The following IQSEC1 variants were observed in gnomAD, a reference collection of about 807,000 sequenced individuals.
IQSEC1 encodes the protein IQ motif and SEC7 domain-containing protein 1.
A neutral mutation model predicts 91.0 loss-of-function variants in IQSEC1; 31 were observed. That is an observed-to-expected ratio of 0.34 (90% CI 0.26 to 0.46). IQSEC1 has a LOEUF of 0.46. Among genes scored for constraint, IQSEC1 ranks in the 20% least tolerant of loss-of-function variants. The pLI, the probability that IQSEC1 is intolerant of heterozygous loss-of-function variation, is 1.00. For synonymous variants in IQSEC1, 699 were observed against 662.6 expected, an observed-to-expected ratio of 1.05 and a Z score of -0.84; for missense variants, 1,388 against 1,575.6, an observed-to-expected ratio of 0.88 and a Z score of 2.02.
At chr3:13,081,521 G>T (rs909025564) in intron 2 of IQSEC1, among the ~76,000 whole-genome samples, 1 of 152,104 alleles carries the variant, frequency 6.6e-6, no homozygotes, top group Non-Finnish European at 1.5e-5. Flanking sequence ...CTCCCACCTC[G>T]GCCTCCCAAA....
At chr3:12,984,573 C>T (rs77922306) in intron 1 of IQSEC1, among the ~76,000 whole-genome samples, 3,063 of 152,266 alleles carry the variant, frequency 0.02, 77 homozygotes, top group Non-Finnish European at 0.024. Flanking sequence ...GCTGCTCCTC[C>T]TTTCAGGGGG....
chr3:13,056,204 C>T (rs1400219193), intron 1 of IQSEC1, among the ~76,000 whole-genome samples: 1 of 152,154 alleles, frequency 6.6e-6, no homozygotes, highest in Non-Finnish European at 1.5e-5. Context: ...CATTCTAGGC[C>T]CAATTCACTG....
Position 12,983,028 on chromosome 3 carries a change from G to A in IQSEC1, c.24-41163C>T, listed in dbSNP as rs1270567441. 3.3e-5 allele frequency among the ~76,000 whole-genome samples: 5 copies of A among 152,254 alleles called. No individual in the cohort carries two copies. The highest frequency in any genetic ancestry group is 4.1e-4 in the South Asian group (2 of 4,834). ...AGGTACAGCTGTCTGCCCTCTCTGG[G>A]TGCTTGTGCGTGGGATGGAGGGTGA... On this transcript the variant is annotated intron_variant, in intron 1 of 13. Transcript: ENST00000613206. This position sits in a 1 kb window ranked among gnomAD's most constrained non-coding sequence, Gnocchi z 4.3.
chr3:13,182,617 C>A (rs1403168135), intron 1 of IQSEC1, among the ~76,000 whole-genome samples: 1 of 151,890 alleles, frequency 6.6e-6, no homozygotes, highest in Non-Finnish European at 1.5e-5. Flanking sequence ...TATTCACCAA[C>A]CAAGACCACA....
At chr3:13,154,513 T>C (rs1707056996) in intron 2 of IQSEC1, among the ~76,000 whole-genome samples, 1 of 117,530 alleles carries the variant, frequency 8.5e-6, no homozygotes, top group African/African-American at 3.3e-5. Flanking sequence ...TCATCCGTTA[T>C]TCATTAGACA....
chr3:13,239,669 A>C (rs758766597), intron 1 of IQSEC1, among the ~76,000 whole-genome samples: 3 of 152,208 alleles, frequency 2.0e-5, no homozygotes, highest in Non-Finnish European at 4.4e-5. Flanking sequence ...CTCGGAGCCC[A>C]CCCACAGGGG....
rs1345659960 is a variant in IQSEC1, at chr3:13,103,186, C to A, written c.303-55664G>T. On this transcript the variant is annotated intron_variant, in intron 2 of 15. Transcript: ENST00000648114. The surrounding 1 kb of genome is among the most constrained non-coding windows in gnomAD (Gnocchi z 4.1). ...CAGGCAGGTCAGTTCAGGGAAGGGG[C>A]CTGCATCGAACTCTCGCCACCTCCC... Among the ~76,000 whole-genome samples the A allele has an allele frequency of 1.3e-5, 2 of 152,212 alleles. No individual in the cohort carries two copies. The highest frequency in any genetic ancestry group is 1.9e-4 in the East Asian group (1 of 5,134).
intron 1 of IQSEC1, among the ~76,000 whole-genome samples, chr3:12,986,812 C>T (rs1701760216): frequency 6.6e-6 from 1 of 152,218 alleles, no homozygotes; most frequent in South Asian, 2.1e-4. Context: ...GTGCTCCCCA[C>T]AGGGGACCGA....
At chr3:13,177,132 G>T (rs1426315883) in intron 1 of IQSEC1, among the ~76,000 whole-genome samples, 1 of 152,206 alleles carries the variant, frequency 6.6e-6, no homozygotes, top group Non-Finnish European at 1.5e-5. Flanking sequence ...ATGGCGAGGG[G>T]TGTACAAGTC....
At chr3:13,202,816 C>G (rs550797638) in intron 1 of IQSEC1, among the ~76,000 whole-genome samples, 2 of 152,268 alleles carry the variant, frequency 1.3e-5, no homozygotes, top group African/African-American at 4.8e-5. Context: ...ATAAAAAAAG[C>G]CTGTGCTGGA....
Position 13,218,086 on chromosome 3 carries a change from A to T in IQSEC1, c.273-53953T>A, listed in dbSNP as rs185299447. Among the ~76,000 whole-genome samples the T allele has an allele frequency of 7.2e-5, 11 of 152,276 alleles. No homozygotes were observed. The East Asian group carries it at 2.1e-3, about 29-fold the overall frequency. ...TCCGAGGCCCCCTGGCAGCTCCGGC[A>T]TTCTAGGATTCCAGGATTCCCACAT... On this transcript the variant is annotated intron_variant, in intron 1 of 15. Coordinates refer to the IQSEC1 transcript ENST00000648114.
At chr3:13,072,945 C>T in intron 1 of IQSEC1, 47 bp downstream of exon 1, 1 of 1,510,214 alleles carries the variant, frequency 6.6e-7, no homozygotes, top group South Asian at 1.2e-5. Flanking sequence ...CTCAGCCGGG[C>T]CCCTCTGGCC....
At chr3:13,135,114 C>T (rs1056985760) in intron 2 of IQSEC1, among the ~76,000 whole-genome samples, 6 of 152,212 alleles carry the variant, frequency 3.9e-5, no homozygotes, top group Non-Finnish European at 5.9e-5. Context: ...CTCTGAGCCT[C>T]GGTTTCCTCA....
chr3:13,052,010 A>G (rs1002545119), intron 1 of IQSEC1, among the ~76,000 whole-genome samples: 2 of 152,210 alleles, frequency 1.3e-5, no homozygotes, highest in African/African-American at 4.8e-5. Flanking sequence ...CAGAGATAAT[A>G]TCTTGCACAC....
At chr3:13,069,530 C>T in intron 1 of IQSEC1, among the ~76,000 whole-genome samples, 1 of 152,200 alleles carries the variant, frequency 6.6e-6, no homozygotes, top group African/African-American at 2.4e-5. Context: ...CAGAGGGAGA[C>T]CACTGCCTCC....
At chr3:13,100,966 CTG>C (rs1706047837) in intron 2 of IQSEC1, among the ~76,000 whole-genome samples, 1 of 148,308 alleles carries the variant, frequency 6.7e-6, no homozygotes, top group Non-Finnish European at 1.5e-5. Context: ...TGAACGAGGC[CTG>C]CCATGGGAGG....
chr3:12,997,663 G>T (rs1263596648), intron 1 of IQSEC1, among the ~76,000 whole-genome samples: 1 of 152,152 alleles, frequency 6.6e-6, no homozygotes, highest in Non-Finnish European at 1.5e-5. Flanking sequence ...TTCAGCATAT[G>T]ACTGTACTGA....
chr3:13,092,298 T>C (rs775193625), intron 2 of IQSEC1, among the ~76,000 whole-genome samples: 30 of 152,178 alleles, frequency 2.0e-4, no homozygotes, highest in Admixed American at 3.9e-4. Flanking sequence ...TTAGTACAGC[T>C]CAAAGGCGCT....
At chr3:13,036,612 T>C (rs1387054220) in intron 1 of IQSEC1, among the ~76,000 whole-genome samples, 1 of 152,122 alleles carries the variant, frequency 6.6e-6, no homozygotes. Flanking sequence ...GGCCAACAGA[T>C]GAGGCCCAGG....
Sources: allele counts gnomAD v4.1 joint callset (sites outside exome capture counted in the v4.1 genomes callset), GRCh38; gene constraint gnomAD v4.1.1; non-coding constraint Gnocchi (gnomAD v3.1); transcripts MANE v1.5; gene names NCBI Gene and HGNC (gene_info 2026-07-23, HGNC 2026-07-21).